Variants in CNBD2 observed in about 807,000 individuals in gnomAD.
The protein encoded by CNBD2 is cyclic nucleotide-binding domain-containing protein 2.
Under a neutral mutation model 63.7 loss-of-function variants are expected in CNBD2, and 64 were observed. The observed-to-expected ratio is 1.00, with a 90% CI of 0.82 to 1.24. CNBD2 has a LOEUF of 1.24. CNBD2 is among the 50% of genes most tolerant of loss of function. The pLI is 0.00. For missense variants in CNBD2, 691 were observed against 713.5 expected (o/e 0.97, Z 0.36); for synonymous variants, 229 against 255.4 (o/e 0.90, Z 0.99).
At chr20:35,959,113 T>C (rs1304879130), downstream of CNBD2, 1 of 152,366 alleles carries the variant, frequency 6.6e-6, no homozygotes, top group African/African-American at 2.4e-5. Flanking sequence ...TAATCACTTA[T>C]CTTTCTGAGC....
intron 7 of CNBD2, among the ~76,000 whole-genome samples, chr20:35,989,375 CT>C (rs948141187): frequency 3.3e-5 from 5 of 152,146 alleles, no homozygotes; most frequent in Admixed American, 1.3e-4. Context: ...GGTTTTCTCT[CT>C]TTATAGATCT....
chr20:35,990,761 G>T (rs1442593926), intron 7 of CNBD2, among the ~76,000 whole-genome samples: 1 of 152,098 alleles, frequency 6.6e-6, no homozygotes. Context: ...GACCAGCCTG[G>T]CCAACATGGT....
At chr20:36,024,770 A>C (rs893316218) in intron 11 of CNBD2, among the ~76,000 whole-genome samples, 1 of 152,064 alleles carries the variant, frequency 6.6e-6, no homozygotes, top group Non-Finnish European at 1.5e-5. Flanking sequence ...TCTAGTAAAC[A>C]TAGTCTACTA....
At chr20:35,981,261 G>T (rs560220443) in intron 4 of CNBD2, among the ~76,000 whole-genome samples, 1 of 152,190 alleles carries the variant, frequency 6.6e-6, no homozygotes, top group East Asian at 1.9e-4. Context: ...TCCCAAAAAT[G>T]TTGGTTGAGC....
At chr20:36,025,929 TAAAAGA>T (rs1444659363) in intron 11 of CNBD2, among the ~76,000 whole-genome samples, 1 of 152,150 alleles carries the variant, frequency 6.6e-6, no homozygotes, top group African/African-American at 2.4e-5. Context: ...ATTGATCTTT[TAAAAGA>T]AAAAGAGAAA....
At chr20:35,985,487 C>CTTT (rs376746279) in intron 6 of CNBD2, among the ~76,000 whole-genome samples, 5 of 134,182 alleles carry the variant, frequency 3.7e-5, no homozygotes, top group African/African-American at 1.4e-4. Flanking sequence ...ACTATAATTC[C>CTTT]TTTTTTTTTT....
chr20:35,998,136 G>C (rs1323675563), intron 8 of CNBD2, among the ~76,000 whole-genome samples: 1 of 148,280 alleles, frequency 6.7e-6, no homozygotes, highest in Non-Finnish European at 1.5e-5. Flanking sequence ...CCACCCCCCA[G>C]GTTCGAGCAA....
At chr20:36,015,699 G>T (rs1435051985) in intron 10 of CNBD2, among the ~76,000 whole-genome samples, 2 of 152,044 alleles carry the variant, frequency 1.3e-5, no homozygotes, top group Non-Finnish European at 2.9e-5. Context: ...GAAACAATTT[G>T]AACAACAAAA....
intron 8 of CNBD2, among the ~76,000 whole-genome samples, chr20:36,007,103 G>A (rs942197816): frequency 2.6e-5 from 4 of 151,956 alleles, no homozygotes; most frequent in Non-Finnish European, 5.9e-5. Context: ...ACAGGAGAAT[G>A]GCATGAACCT....
chr20:35,990,770 G>A (rs1397834616), intron 7 of CNBD2, among the ~76,000 whole-genome samples: 2 of 152,096 alleles, frequency 1.3e-5, no homozygotes, highest in Admixed American at 1.3e-4. Flanking sequence ...GGCCAACATG[G>A]TAAAACCCCA....
chr20:35,958,291 G>C (rs564800129), downstream of CNBD2, among the ~76,000 whole-genome samples: 276 of 152,218 alleles, frequency 1.8e-3, 1 homozygote, highest in African/African-American at 6.4e-3. Flanking sequence ...AATTAGCTGG[G>C]CATGGTGGCA....
chr20:35,993,392 T>C (rs1440379762), intron 7 of CNBD2, among the ~76,000 whole-genome samples: 1 of 152,234 alleles, frequency 6.6e-6, no homozygotes, highest in African/African-American at 2.4e-5. Flanking sequence ...ATAAATGGAA[T>C]CATACAGTGT....
chr20:35,992,254 C>T (rs899814067), intron 7 of CNBD2, among the ~76,000 whole-genome samples: 2 of 152,280 alleles, frequency 1.3e-5, no homozygotes, highest in East Asian at 3.9e-4. Context: ...GGAGGAAGGG[C>T]TCAGTGATCT....
intron 10 of CNBD2, among the ~76,000 whole-genome samples, chr20:36,016,648 G>A (rs193080519): frequency 5.9e-5 from 9 of 152,016 alleles, no homozygotes; most frequent in Admixed American, 5.9e-4. Context: ...AATTAGCCAG[G>A]TGTGGTGGCA....
rs765368183 is a variant in CNBD2 at position 36,030,627 on chromosome 20, A to G, written c.1710A>G (p.Lys570=). 54 of 1,614,018 alleles carry G rather than the reference A, an allele frequency of 3.3e-5. No individual in the cohort carries two copies. The highest frequency in any genetic ancestry group is 4.6e-5 in the Non-Finnish European group (54 of 1,180,022). The change falls in exon 12 of 12, where the codon AAA becomes AAG. Residue 570 remains lysine, a synonymous_variant. Coordinates refer to ENST00000373973, the MANE Select transcript of CNBD2 (RefSeq NM_001365709.1). ...IVQAIKAPRY[K]IRELLA is the part of the protein sequence containing the mutation. ...AAGCCATCAAAGCACCTCGGTACAA[A>G]ATCCGAGAACTCTTGGCTTAGTGTA... is the stretch of plus-strand genomic sequence containing the variant.
At chr20:36,017,630 TC>T (rs1225105074) in intron 10 of CNBD2, among the ~76,000 whole-genome samples, 1 of 152,240 alleles carries the variant, frequency 6.6e-6, no homozygotes, top group Non-Finnish European at 1.5e-5. Context: ...GAAATCCACT[TC>T]CTTAGCATGT....
At chr20:36,011,880 C>T (rs116374671) in intron 10 of CNBD2, among the ~76,000 whole-genome samples, 1 of 152,300 alleles carries the variant, frequency 6.6e-6, no homozygotes, top group African/African-American at 2.4e-5. Flanking sequence ...CATTTAAAAA[C>T]ACAATACCAG....
chr20:35,997,572 G>A (rs920340273), intron 8 of CNBD2, among the ~76,000 whole-genome samples: 4 of 152,218 alleles, frequency 2.6e-5, no homozygotes, highest in Non-Finnish European at 5.9e-5. Context: ...TACTGGGCAA[G>A]TGGGCCCTAT....
chr20:35,993,192 A>G (rs1427752637), intron 7 of CNBD2, among the ~76,000 whole-genome samples: 3 of 152,194 alleles, frequency 2.0e-5, no homozygotes, highest in African/African-American at 4.8e-5. Flanking sequence ...TCAAATCTAA[A>G]CTTTACAGCT....
Sources: allele counts gnomAD v4.1 joint callset (sites outside exome capture counted in the v4.1 genomes callset), GRCh38; gene constraint gnomAD v4.1.1; transcripts MANE v1.5; gene names NCBI Gene and HGNC (gene_info 2026-07-23, HGNC 2026-07-21).